Variants in C18orf63 observed in about 807,000 individuals in gnomAD.
C18orf63 encodes the protein uncharacterized protein C18orf63.
Under a neutral mutation model 75.3 loss-of-function variants are expected in C18orf63, and 50 were observed. The ratio of observed to expected loss-of-function variants is 0.66; its 90% confidence interval spans 0.53 to 0.84. C18orf63 has a LOEUF of 0.84. Among genes scored for constraint, C18orf63 ranks in the 40% least tolerant of loss-of-function variants. The probability of loss-of-function intolerance (pLI) is 0.00; values close to 1 mark genes in which losing one functional copy is unlikely to be tolerated. For synonymous variants in C18orf63, 232 were observed against 267.6 expected, an observed-to-expected ratio of 0.87 and a Z score of 1.30; for missense variants, 732 against 800.2, an observed-to-expected ratio of 0.91 and a Z score of 1.03.
At chr18:74,351,223 G>A (rs1008024393) in intron 11 of C18orf63, among the ~76,000 whole-genome samples, 3 of 152,154 alleles carry the variant, frequency 2.0e-5, no homozygotes, top group African/African-American at 7.2e-5. Flanking sequence ...ATGGAAGGAG[G>A]AGTATTGTCC....
chr18:74,338,282 C>G (rs2145124396), intron 7 of C18orf63, among the ~76,000 whole-genome samples: 1 of 152,220 alleles, frequency 6.6e-6, no homozygotes, highest in African/African-American at 2.4e-5. Context: ...AGCATTGGCT[C>G]TGTCTTTTCT....
chr18:74,351,806 C>T (rs1300903108), intron 11 of C18orf63, among the ~76,000 whole-genome samples: 3 of 152,176 alleles, frequency 2.0e-5, no homozygotes, highest in Non-Finnish European at 4.4e-5. Context: ...AACAATGGAA[C>T]CTCCAGTAGT....
At chr18:74,320,336 G>A (rs1984098542) in intron 2 of C18orf63, among the ~76,000 whole-genome samples, 177 bp from the exon 3 acceptor site, 1 of 152,080 alleles carries the variant, frequency 6.6e-6, no homozygotes, top group South Asian at 2.1e-4. Context: ...TTTTAAACAA[G>A]ATCTAATGGG....
chr18:74,342,694 A>G (rs1984508894), intron 10 of C18orf63, among the ~76,000 whole-genome samples: 1 of 152,196 alleles, frequency 6.6e-6, no homozygotes, highest in Non-Finnish European at 1.5e-5. Context: ...GGTTGTAAAC[A>G]AAAACAAGAT....
At chr18:74,337,948 A>C (rs573770228) in intron 7 of C18orf63, among the ~76,000 whole-genome samples, 59 of 152,276 alleles carry the variant, frequency 3.9e-4, no homozygotes, top group African/African-American at 1.3e-3. Context: ...GAAAAGTAGT[A>C]GGCAGCGAAG....
chr18:74,336,218 T>A (rs1984388817), intron 7 of C18orf63, among the ~76,000 whole-genome samples: 1 of 152,106 alleles, frequency 6.6e-6, no homozygotes, highest in Non-Finnish European at 1.5e-5. Flanking sequence ...TGTACCATGC[T>A]TCCTTCACCT....
intron 1 of C18orf63, among the ~76,000 whole-genome samples, chr18:74,316,899 A>G (rs971437585): frequency 3.3e-5 from 5 of 152,378 alleles, no homozygotes; most frequent in Non-Finnish European, 7.3e-5. Context: ...TTGTTTACAT[A>G]CAGTGTTGCA....
At chr18:74,317,254 A>G (rs1031675192) in intron 1 of C18orf63, among the ~76,000 whole-genome samples, 5 of 152,214 alleles carry the variant, frequency 3.3e-5, no homozygotes, top group Admixed American at 6.5e-5. Context: ...TACTGTAGTA[A>G]AATGTAATGT....
At chr18:74,345,357 A>T (rs1208410009) in intron 11 of C18orf63, among the ~76,000 whole-genome samples, 1 of 151,924 alleles carries the variant, frequency 6.6e-6, no homozygotes, top group Non-Finnish European at 1.5e-5. Context: ...TGGTGTCTTA[A>T]TAGTATCTTT....
At chr18:74,336,800 T>A (rs1026724503) in intron 7 of C18orf63, among the ~76,000 whole-genome samples, 4 of 152,088 alleles carry the variant, frequency 2.6e-5, no homozygotes, top group African/African-American at 9.6e-5. Context: ...TTCTTTTCAT[T>A]AGTGGCATCA....
intron 1 of C18orf63, among the ~76,000 whole-genome samples, chr18:74,317,124 C>T (rs1984039961): frequency 6.6e-6 from 1 of 152,208 alleles, no homozygotes; most frequent in African/African-American, 2.4e-5. Context: ...AAAGAAAAAG[C>T]ATGTTGATGT....
intron 7 of C18orf63, among the ~76,000 whole-genome samples, chr18:74,335,033 C>G (rs749931213): frequency 6.6e-5 from 10 of 152,166 alleles, no homozygotes; most frequent in Non-Finnish European, 8.8e-5. Flanking sequence ...GCTCCTAAGT[C>G]TCATCTCTCT....
chr18:74,343,487 A>C, intron 10 of C18orf63, 32 bp from the exon 11 acceptor site: 1 of 1,417,396 alleles, frequency 7.1e-7, no homozygotes, highest in Non-Finnish European at 9.3e-7. Context: ...CTTATGTAAT[A>C]AAATCAGACA....
chr18:74,341,185 A>C, intron 8 of C18orf63, among the ~76,000 whole-genome samples: 2 of 141,372 alleles, frequency 1.4e-5, no homozygotes, highest in South Asian at 2.4e-4. Flanking sequence ...AATGGCGTGA[A>C]CCCGGGAGGC....
chr18:74,328,055 C>G lies in C18orf63; in HGVS notation c.379C>G (p.Gln127Glu), dbSNP rs1984238560. The G allele has an allele frequency of 6.6e-7, 1 of 1,512,562 alleles. No homozygotes were observed. The allele number at this position is 1,512,562 out of a possible 1,614,324, so 93.7% of individuals were successfully genotyped here. ...GAATAGAACTGGTCATCTCTTGATA[C>G]AAGGTAACTTTATCTTTTTAGTCAT... ...AWNRTGHLLI[Q>E]GRDFLSQMGK... The change falls in exon 5 of 14, where the codon CAA becomes GAA. Residue 127 changes from glutamine (Q) to glutamate (E), a missense_variant. Gln to Glu is a conservative substitution (Grantham distance 29, BLOSUM62 2). Transcript: ENST00000579455.
rs572064227 is a variant in C18orf63 at position 74,346,823 on chromosome 18, T to C, written c.978+3121T>C. On this transcript the variant is annotated intron_variant, in intron 11 of 13. Transcript: ENST00000579455. The stretch of plus-strand genomic sequence containing the variant: ...AAGAATTTATCCTACTCAATTCTAT[T>C]GAGTGCTTTCTGCATGCCAGCTGCT... 2.0e-5 allele frequency among the ~76,000 whole-genome samples: 3 copies of C among 152,350 alleles called. No homozygotes were observed. In the South Asian group the frequency reaches 6.2e-4, roughly 32 times the overall value.
At chr18:74,332,837 T>C (rs1379482436) in intron 7 of C18orf63, among the ~76,000 whole-genome samples, 1 of 152,162 alleles carries the variant, frequency 6.6e-6, no homozygotes, top group African/African-American at 2.4e-5. Context: ...TTATTTCTAT[T>C]TTTATACCTC....
chr18:74,320,583 G>A lies in C18orf63; in HGVS notation c.205G>A (p.Val69Met). The change falls in exon 3 of 14, where the codon GTG becomes ATG. Residue 69 changes from valine to methionine, a missense_variant. Val to Met is a conservative substitution (Grantham distance 21). Around this residue, in one of 3 missense-constraint regions of C18orf63, gnomAD observed 233 missense variants for 272.7 expected, o/e 0.85. Coordinates refer to ENST00000579455, the MANE Select transcript of C18orf63 (RefSeq NM_001174123.2). ...TGGAATATTAAACCAAATCTGGGTG[G>A]TGATGGCGGTTAGTATTTTAATATT... is the stretch of plus-strand genomic sequence containing the variant. ...VSGILNQIWV[V>M]MAIPFYKARK... 1 of 1,528,266 alleles carries A rather than the reference G, an allele frequency of 6.5e-7. No individual in the cohort carries two copies. Among genetic ancestry groups the A allele is most frequent in the Non-Finnish European group, 8.8e-7 (1 of 1,140,556 alleles). The allele number at this position is 1,528,266 out of a possible 1,614,324, so 94.7% of individuals were successfully genotyped here.
chr18:74,353,337 A>G lies in C18orf63; in HGVS notation c.1070A>G (p.Gln357Arg). 2 of 1,535,944 alleles carry G rather than the reference A, an allele frequency of 1.3e-6. No homozygotes were observed. The highest frequency in any genetic ancestry group is 2.4e-5 in the East Asian group (1 of 40,906). The change falls in exon 12 of 14, where the codon CAA (glutamine) becomes CGA (arginine). Residue 357 changes from glutamine (Q) to arginine (R), a missense_variant. Around this residue, in one of 3 missense-constraint regions of C18orf63, gnomAD observed 495 missense variants for 508.7 expected, o/e 0.97. Transcript: ENST00000579455. ...QATSRKPACAQSLLPCSVAVD... is the reference protein window; with the variant it reads ...QATSRKPACARSLLPCSVAVD... ...ACTTCCAGAAAGCCTGCCTGTGCTCAAAGTCTTCTACCATGTTCAGTAGCA... is the reference window on the plus strand; with the variant it reads ...ACTTCCAGAAAGCCTGCCTGTGCTCGAAGTCTTCTACCATGTTCAGTAGCA...
Sources: gnomAD v4.1 joint callset for allele counts (sites outside exome capture counted in the v4.1 genomes callset) on GRCh38, gnomAD v4.1.1 for gene constraint, gnomAD v4.1.1 regional missense constraint, MANE v1.5 for transcripts, NCBI Gene and HGNC (gene_info 2026-07-23, HGNC 2026-07-21) for gene names.